SHC2: variants seen among roughly 807,000 people sequenced by gnomAD.
SHC2 encodes the protein SHC adaptor protein 2, also known as SHC-transforming protein 2.
A neutral mutation model predicts 60.6 loss-of-function variants in SHC2; 62 were observed. That is an observed-to-expected ratio of 1.02 (90% CI 0.83 to 1.26). The LOEUF is 1.26. Ranked by LOEUF, SHC2 falls within the 50% of genes most tolerant of loss-of-function variation. SHC2 has a pLI of 0.00. For synonymous variants in SHC2, 375 were observed against 372.4 expected (o/e 1.01, Z -0.08); for missense variants, 873 against 822.2 (o/e 1.06, Z -0.76).
Position 440,830 on chromosome 19 carries a change from C to T in SHC2, c.539+32G>A. On this transcript the variant is annotated intron_variant, in intron 2 of 12. Coordinates refer to ENST00000264554, the MANE Select transcript of SHC2 (RefSeq NM_012435.3). The surrounding 1 kb of genome is among the most constrained non-coding windows in gnomAD (Gnocchi z 7.0). ...GCCGCCCTCCAGTGCGTCACTCAGCCCTACGCGGCCAGGGCAGGGTTGGAG... is the reference window on the plus strand; with the variant it reads ...GCCGCCCTCCAGTGCGTCACTCAGCTCTACGCGGCCAGGGCAGGGTTGGAG... 1 of 1,594,640 alleles carries T rather than the reference C, an allele frequency of 6.3e-7. No individual in the cohort carries two copies. Among genetic ancestry groups the T allele is most frequent in the Non-Finnish European group, 8.6e-7 (1 of 1,163,584 alleles).
At chr19:454,806 C>A (rs1324056751) in intron 1 of SHC2, among the ~76,000 whole-genome samples, 1 of 151,958 alleles carries the variant, frequency 6.6e-6, no homozygotes, top group Non-Finnish European at 1.5e-5. Flanking sequence ...AAAAAAAAGA[C>A]CATAGAAATG....
intron 1 of SHC2, among the ~76,000 whole-genome samples, chr19:459,977 GC>G (rs1323557385): frequency 6.6e-6 from 1 of 152,192 alleles, no homozygotes; most frequent in Non-Finnish European, 1.5e-5. Flanking sequence ...GTGTCCAGGC[GC>G]CCGACTTCCC....
intron 1 of SHC2, among the ~76,000 whole-genome samples, chr19:449,619 A>G (rs897326220): frequency 1.3e-5 from 2 of 151,982 alleles, no homozygotes; most frequent in African/African-American, 2.4e-5. Flanking sequence ...TTGTTCATCA[A>G]TAATAACGAC....
In SHC2 at chr19:430,724, A is replaced by C. The variant is rs755066826; in HGVS notation, c.1134T>G (p.Asp378Glu). Residue 378 changes from aspartate to glutamate, a missense_variant, in exon 9 of 13, where the codon GAT becomes GAG. By Grantham distance (45) the Asp-to-Glu change is conservative. Coordinates refer to ENST00000264554, the MANE Select transcript of SHC2 (RefSeq NM_012435.3). ...LDQGPSPSLR[D>E]ACSLPWDVGS... is the part of the protein sequence containing the mutation. The stretch of plus-strand genomic sequence containing the variant: ...CCACGTCCCATGGCAGGCTGCAGGC[A>C]TCTCTTAGAGAAGGAGATGGGCCCT... The C allele has an allele frequency of 1.2e-5, 20 of 1,613,006 alleles. No homozygotes were observed. Among genetic ancestry groups the C allele is most frequent in the Non-Finnish European group, 3.4e-6 (4 of 1,179,832 alleles).
rs1299851076 is a variant in SHC2, at chr19:445,157, C to G, written c.469-4225G>C. On this transcript the variant is annotated intron_variant, in intron 1 of 12. Coordinates refer to ENST00000264554, the MANE Select transcript of SHC2 (RefSeq NM_012435.3). The surrounding 1 kb of genome is among the most constrained non-coding windows in gnomAD (Gnocchi z 4.4). ...TGAAATTCTCCCAGTTTGTAAATAT[C>G]GATCTAGGGCTGAATATCTGTGCCC... Among the ~76,000 whole-genome samples, 1 of 152,234 alleles carries G rather than the reference C, an allele frequency of 6.6e-6. No homozygotes were observed. The highest frequency in any genetic ancestry group is 1.5e-5 in the Non-Finnish European group (1 of 68,050).
In SHC2 at chr19:441,068, C is replaced by T; in HGVS notation, c.469-136G>A. On this transcript the variant is annotated intron_variant, in intron 1 of 12. Transcript: ENST00000264554. This position sits in a 1 kb window ranked among gnomAD's most constrained non-coding sequence, Gnocchi z 4.9. ...CCTCTGTCCCTGGTGGCTCTGGGGC[C>T]GTCGTGCCTCCCCCACCTCAAGGCC... 1.3e-6 allele frequency: 2 copies of T among 1,489,542 alleles called. No individual in the cohort carries two copies. Among genetic ancestry groups the T allele is most frequent in the Non-Finnish European group, 1.8e-6 (2 of 1,108,624 alleles). 92.3% of individuals were successfully genotyped at this position (1,489,542 alleles called of 1,614,324 possible). A position where few individuals can be genotyped will look rare whatever the true frequency, so the allele number is the denominator to read the frequency against.
At chr19:428,739 G>A (rs966860670) in intron 9 of SHC2, among the ~76,000 whole-genome samples, 2 of 152,172 alleles carry the variant, frequency 1.3e-5, no homozygotes, top group Admixed American at 1.3e-4. Context: ...GAACCATGTG[G>A]ACGAATGCAG....
Position 425,087 on chromosome 19 carries a change from T to C in SHC2, c.1309+10A>G. ...ACGCGATGACGGCCGCCCCCCAGGC[T>C]GCCACATACGCATGTCAAACAGATC... On this transcript the variant is annotated intron_variant, in intron 10 of 12. Coordinates refer to ENST00000264554, the MANE Select transcript of SHC2 (RefSeq NM_012435.3). This position sits in a 1 kb window ranked among gnomAD's most constrained non-coding sequence, Gnocchi z 4.1. 7.3e-7 allele frequency: 1 copy of C among 1,377,684 alleles called. No individual in the cohort carries two copies. The allele number at this position is 1,377,684 out of a possible 1,614,324, so 85.3% of individuals were successfully genotyped here.
intron 2 of SHC2, among the ~76,000 whole-genome samples, chr19:439,753 C>T (rs548067731): frequency 2.0e-5 from 3 of 152,068 alleles, no homozygotes; most frequent in East Asian, 1.9e-4. Flanking sequence ...CATGCAGGCG[C>T]GGCGGCCCCC....
Position 422,641 on chromosome 19 carries a change from T to G in SHC2, c.1310-185A>C. On this transcript the variant is annotated intron_variant, in intron 10 of 12. Coordinates refer to ENST00000264554, the MANE Select transcript of SHC2 (RefSeq NM_012435.3). This position sits in a 1 kb window ranked among gnomAD's most constrained non-coding sequence, Gnocchi z 5.0. ...GCCCCGTGCGTGCGGTGGGCTCACA[T>G]GTGTAGCAACCTGGACTCCCCAGGT... is the stretch of plus-strand genomic sequence containing the variant. The G allele has an allele frequency of 1.8e-6, 1 of 570,884 alleles. No individual in the cohort carries two copies. The allele number at this position is 570,884 out of a possible 1,614,324, so 35.4% of individuals were successfully genotyped here.
At position 423,819 on chromosome 19, in the gene SHC2, C is replaced by T. The variant is rs186762116; in HGVS notation, c.1309+1278G>A. ...CAGCCCCAGGACTCTTCGTGGAGGA[C>T]GGACGAGAAGACACCCTTCCTCAAC... On this transcript the variant is annotated intron_variant, in intron 10 of 12. Coordinates refer to ENST00000264554, the MANE Select transcript of SHC2 (RefSeq NM_012435.3). Among the ~76,000 whole-genome samples, 394 of 152,290 alleles carry T rather than the reference C, an allele frequency of 2.6e-3. 2 individuals carry two copies. The highest frequency in any genetic ancestry group is 0.011 in the South Asian group (52 of 4,826).
chr19:439,688 G>A (rs1027181635), intron 2 of SHC2, among the ~76,000 whole-genome samples: 4 of 152,126 alleles, frequency 2.6e-5, no homozygotes, highest in Non-Finnish European at 5.9e-5. Flanking sequence ...AAATTGGCCA[G>A]ATGCAGCGGC....
chr19:427,566 GCACGGCACAGGGAAGGGGGAACTGCA>G lies in SHC2; in HGVS notation c.1175-2361_1175-2336del, dbSNP rs1380208071. Reference sequence around the variant, plus strand: ...GCACGGCACAGGGAAGGGGAATTGCGCACGGCACAGGGAAGGGGGAACTGCACACGGCGCAGGGAAGGGGAATTGCG... The same window carrying G: ...GCACGGCACAGGGAAGGGGAATTGCGCACGGCGCAGGGAAGGGGAATTGCG... On this transcript the variant is annotated intron_variant, in intron 9 of 12. Transcript: ENST00000264554. Among the ~76,000 whole-genome samples, 3 of 130,932 alleles carry G rather than the reference GCACGGCACAGGGAAGGGGGAACTGCA, an allele frequency of 2.3e-5. No homozygotes were observed. The East Asian group carries it at 7.5e-4, about 33-fold the overall frequency. 85.9% of individuals were successfully genotyped at this position (130,932 alleles called of 152,430 possible). A position where few individuals can be genotyped will look rare whatever the true frequency, so the allele number is the denominator to read the frequency against.
intron 10 of SHC2, among the ~76,000 whole-genome samples, chr19:423,816 G>A (rs1412611098): frequency 2.0e-5 from 3 of 152,194 alleles, no homozygotes; most frequent in African/African-American, 7.2e-5. Flanking sequence ...TCTTCGTGGA[G>A]GACGGACGAG....
At chr19:429,599 A>G (rs373996356) in intron 9 of SHC2, among the ~76,000 whole-genome samples, 3,597 of 133,562 alleles carry the variant, frequency 0.027, 85 homozygotes, top group East Asian at 0.069. Context: ...TATACCCAAC[A>G]TGCAGAGAAA....
chr19:454,879 G>A (rs575159526), intron 1 of SHC2, among the ~76,000 whole-genome samples: 9 of 152,242 alleles, frequency 5.9e-5, no homozygotes, highest in East Asian at 1.9e-4. Context: ...GGGAAGGCCC[G>A]TCCTGCCTCT....
chr19:453,563 G>A lies in SHC2; in HGVS notation c.468+6966C>T, dbSNP rs934919057. On this transcript the variant is annotated intron_variant, in intron 1 of 12. Transcript: ENST00000264554. The surrounding 1 kb of genome is among the most constrained non-coding windows in gnomAD (Gnocchi z 6.3). ...CTGGATTACAGGCGTGAGCCACCAC[G>A]CCCGGCCAGAACCCAGATCTTTAGG... Among the ~76,000 whole-genome samples, 34 of 152,110 alleles carry A rather than the reference G, an allele frequency of 2.2e-4. No homozygotes were observed. Among genetic ancestry groups the A allele is most frequent in the African/African-American group, 6.8e-4 (28 of 41,428 alleles).
rs1974370949 is a variant in SHC2, at chr19:424,926, G to A, written c.1309+171C>T. Among the ~76,000 whole-genome samples the A allele has an allele frequency of 6.6e-6, 1 of 152,166 alleles. No individual in the cohort carries two copies. The highest frequency in any genetic ancestry group is 1.5e-5 in the Non-Finnish European group (1 of 68,020). On this transcript the variant is annotated intron_variant, in intron 10 of 12. Transcript: ENST00000264554. This position sits in a 1 kb window ranked among gnomAD's most constrained non-coding sequence, Gnocchi z 4.5. ...CCATCAGACAAGGCCTCCGACAGGA[G>A]ACAGACTGGGCTTCCCCGTCCCACC...
chr19:427,802 A>G (rs559378479), intron 9 of SHC2, among the ~76,000 whole-genome samples: 38 of 92,410 alleles, frequency 4.1e-4, no homozygotes, highest in African/African-American at 1.6e-3. Flanking sequence ...GACGGCGCAC[A>G]GCACACGGAA....
Sources: gnomAD v4.1 joint callset for allele counts (sites outside exome capture counted in the v4.1 genomes callset) on GRCh38, gnomAD v4.1.1 for gene constraint, Gnocchi (gnomAD v3.1) non-coding constraint, MANE v1.5 for transcripts, NCBI Gene and HGNC (gene_info 2026-07-23, HGNC 2026-07-21) for gene names.